CSGALNACT1: variants seen among roughly 807,000 people sequenced by gnomAD.
CSGALNACT1 encodes the protein chondroitin sulfate N-acetylgalactosaminyltransferase 1.
Under a neutral mutation model 51.0 loss-of-function variants are expected in CSGALNACT1, and 52 were observed. That is an observed-to-expected ratio of 1.02 (90% CI 0.82 to 1.29). The LOEUF is 1.29. CSGALNACT1 is among the 50% of genes most tolerant of loss of function. CSGALNACT1 has a pLI of 0.00. For synonymous variants in CSGALNACT1, 341 were observed against 254.4 expected (o/e 1.34, Z -3.24); for missense variants, 935 against 679.2 (o/e 1.38, Z -4.19).
chr8:19,550,279 C>A (rs1371992373), intron 3 of CSGALNACT1, among the ~76,000 whole-genome samples: 2 of 152,142 alleles, frequency 1.3e-5, no homozygotes, highest in Non-Finnish European at 2.9e-5. Flanking sequence ...CAGCACTGCA[C>A]CTGTCTGTGA....
At chr8:19,682,478 C>G in exon 1 of CSGALNACT1, 1 of 353,698 alleles carries the variant, frequency 2.8e-6, no homozygotes, top group South Asian at 2.1e-5. Context: ...CTCACCCACA[C>G]ACGAGATCAA....
At chr8:19,741,559 T>TG (rs1563194901) in intron 1 of CSGALNACT1, among the ~76,000 whole-genome samples, 1 of 53,828 alleles carries the variant, frequency 1.9e-5, no homozygotes, top group Non-Finnish European at 3.7e-5. Flanking sequence ...TGAGACTCCA[T>TG]CAAAAAAAAA....
intron 5 of CSGALNACT1, among the ~76,000 whole-genome samples, chr8:19,446,742 G>C (rs2062187766): frequency 6.6e-6 from 1 of 152,152 alleles, no homozygotes; most frequent in East Asian, 1.9e-4. Context: ...TCGAACTCCT[G>C]ACCTCGGGTG....
intron 5 of CSGALNACT1, among the ~76,000 whole-genome samples, chr8:19,447,137 C>G (rs1002798360): frequency 2.0e-5 from 3 of 152,146 alleles, no homozygotes; most frequent in Non-Finnish European, 1.5e-5. Context: ...GAAGGAGTTC[C>G]AATGACCTGA....
chr8:19,437,728 G>A (rs546031697), intron 6 of CSGALNACT1, among the ~76,000 whole-genome samples: 15 of 152,186 alleles, frequency 9.9e-5, no homozygotes, highest in East Asian at 3.9e-4. Flanking sequence ...TAAGAAGTTC[G>A]GGTTAATTTT....
At chr8:19,519,443 A>G (rs1216230194) in intron 3 of CSGALNACT1, among the ~76,000 whole-genome samples, 1 of 152,204 alleles carries the variant, frequency 6.6e-6, no homozygotes, top group Admixed American at 6.5e-5. Context: ...TTCAATATAC[A>G]GAGAATTAAA....
intron 3 of CSGALNACT1, among the ~76,000 whole-genome samples, chr8:19,584,840 C>T (rs2046294839): frequency 6.6e-6 from 1 of 152,174 alleles, no homozygotes; most frequent in Non-Finnish European, 1.5e-5. Context: ...AAGGGCTTGT[C>T]ATCCAGACCA....
At chr8:19,751,012 C>T (rs1402795432) in intron 1 of CSGALNACT1, among the ~76,000 whole-genome samples, 3 of 152,162 alleles carry the variant, frequency 2.0e-5, no homozygotes, top group Non-Finnish European at 2.9e-5. Flanking sequence ...GAAGCAGACC[C>T]TCTGATAAAA....
chr8:19,725,133 G>T (rs543149170), intron 1 of CSGALNACT1, among the ~76,000 whole-genome samples: 3 of 152,358 alleles, frequency 2.0e-5, no homozygotes, highest in African/African-American at 7.2e-5. Context: ...AAGATCAGAA[G>T]TAAGCACCGA....
At chr8:19,677,283 A>G (rs1250935551) in intron 1 of CSGALNACT1, among the ~76,000 whole-genome samples, 6 of 152,152 alleles carry the variant, frequency 3.9e-5, no homozygotes, top group East Asian at 1.9e-4. Flanking sequence ...TAATTTTTTT[A>G]TATCTTTTAC....
chr8:19,423,379 G>A (rs1312800169), intron 6 of CSGALNACT1, among the ~76,000 whole-genome samples: 1 of 152,244 alleles, frequency 6.6e-6, no homozygotes, highest in Non-Finnish European at 1.5e-5. Flanking sequence ...TTGATTAACT[G>A]CTGAGTGAAC....
chr8:19,480,975 G>A (rs1201421970), intron 4 of CSGALNACT1, among the ~76,000 whole-genome samples: 1 of 152,108 alleles, frequency 6.6e-6, no homozygotes, highest in Non-Finnish European at 1.5e-5. Context: ...AGGGATCCTA[G>A]GTCTGTGTAC....
intron 1 of CSGALNACT1, among the ~76,000 whole-genome samples, chr8:19,671,450 T>C (rs547975837): frequency 3.9e-5 from 6 of 152,166 alleles, no homozygotes; most frequent in Non-Finnish European, 7.3e-5. Context: ...CAAGTAAAAT[T>C]TATAAAGTTA....
intron 1 of CSGALNACT1, among the ~76,000 whole-genome samples, chr8:19,730,083 C>T (rs2063608409): frequency 6.6e-6 from 1 of 152,138 alleles, no homozygotes; most frequent in African/African-American, 2.4e-5. Context: ...TGATAGCGCC[C>T]ATGCAATGTT....
intron 4 of CSGALNACT1, among the ~76,000 whole-genome samples, chr8:19,495,580 G>A (rs2153973661): frequency 6.6e-6 from 1 of 152,280 alleles, no homozygotes; most frequent in East Asian, 1.9e-4. Context: ...CTGGAGAGGA[G>A]GGAGCTCTAA....
chr8:19,673,019 T>C (rs1009059766), intron 1 of CSGALNACT1, among the ~76,000 whole-genome samples: 2 of 152,160 alleles, frequency 1.3e-5, no homozygotes, highest in South Asian at 2.1e-4. Flanking sequence ...CTTTTCAGAG[T>C]TCGAAGTGAA....
rs540485060 is a variant in CSGALNACT1, at chr8:19,502,396, C to T, written c.634+2805G>A. On this transcript the variant is annotated intron_variant, in intron 4 of 9. Coordinates refer to ENST00000454498, the Ensembl canonical transcript of CSGALNACT1. ...CTAAGGGTCTTAGTCAAAATCATAC[C>T]TTCTCAAGCTTGCGTGATCATGCCA... 1.5e-4 allele frequency among the ~76,000 whole-genome samples: 23 copies of T among 152,324 alleles called. 1 individual carries two copies. The South Asian group carries it at 4.3e-3, about 29-fold the overall frequency.
chr8:19,483,662 G>A (rs989751532), intron 4 of CSGALNACT1, among the ~76,000 whole-genome samples: 1 of 152,136 alleles, frequency 6.6e-6, no homozygotes, highest in Non-Finnish European at 1.5e-5. Flanking sequence ...CAACAATTAT[G>A]TAATCTCTGT....
intron 1 of CSGALNACT1, among the ~76,000 whole-genome samples, chr8:19,715,257 C>T (rs2062739559): frequency 6.6e-6 from 1 of 152,194 alleles, no homozygotes; most frequent in South Asian, 2.1e-4. Context: ...CCCACTAGGT[C>T]CCTCCCACAA....
Sources: gnomAD v4.1 joint callset for allele counts (sites outside exome capture counted in the v4.1 genomes callset) on GRCh38, gnomAD v4.1.1 for gene constraint, MANE v1.5 for transcripts, NCBI Gene and HGNC (gene_info 2026-07-23, HGNC 2026-07-21) for gene names.